The following PRKACB variants were observed in gnomAD, a reference collection of about 807,000 sequenced individuals.
The protein encoded by PRKACB is protein kinase cAMP-activated catalytic subunit beta.
A neutral mutation model predicts 51.4 loss-of-function variants in PRKACB; 16 were observed. The ratio of observed to expected loss-of-function variants is 0.31; its 90% CI spans 0.21 to 0.47. The LOEUF (loss-of-function observed/expected upper bound fraction) is 0.47, where lower values mean the gene tolerates loss of function less well. PRKACB is among the 20% of genes least tolerant of loss of function. The pLI, the probability that PRKACB is intolerant of heterozygous loss-of-function variation, is 1.00. For synonymous variants in PRKACB, 147 were observed against 154.4 expected, an observed-to-expected ratio of 0.95 and a Z score of 0.35; for missense variants, 309 against 464.5, an observed-to-expected ratio of 0.67 and a Z score of 3.08.
chr1:84,202,286 G>A (rs1345623876), intron 7 of PRKACB, among the ~76,000 whole-genome samples: 1 of 151,866 alleles, frequency 6.6e-6, no homozygotes, highest in East Asian at 1.9e-4. Flanking sequence ...GATCTTTCTA[G>A]GCATGCTGTG....
chr1:84,202,237 T>C (rs1246868524), intron 7 of PRKACB, among the ~76,000 whole-genome samples: 3 of 152,126 alleles, frequency 2.0e-5, no homozygotes, highest in Non-Finnish European at 4.4e-5. Flanking sequence ...CATTATTTAC[T>C]ATGTAGTCCA....
chr1:84,108,480 T>C (rs1410444239), intron 1 of PRKACB, among the ~76,000 whole-genome samples: 2 of 152,084 alleles, frequency 1.3e-5, no homozygotes, highest in East Asian at 1.9e-4. Context: ...CCCCTGAACC[T>C]AAAATAAAAA....
intron 1 of PRKACB, among the ~76,000 whole-genome samples, chr1:84,134,006 A>T (rs1652531822): frequency 6.6e-6 from 1 of 152,174 alleles, no homozygotes; most frequent in Non-Finnish European, 1.5e-5. Flanking sequence ...TTTATTGCTG[A>T]TGGAAGTGGC....
At chr1:84,204,489 G>A (rs759985119) in intron 8 of PRKACB, 2 of 1,597,086 alleles carry the variant, frequency 1.3e-6, no homozygotes, top group Non-Finnish European at 1.7e-6. Context: ...CAGAACTTTT[G>A]ATATGAACAA....
At chr1:84,160,841 A>G (rs1656092371) in intron 1 of PRKACB, among the ~76,000 whole-genome samples, 1 of 151,718 alleles carries the variant, frequency 6.6e-6, no homozygotes, top group Admixed American at 6.6e-5. Flanking sequence ...TATAGAATAT[A>G]TTTTGAAAGC....
chr1:84,177,845 T>G (rs1360569511), intron 1 of PRKACB, among the ~76,000 whole-genome samples: 1 of 152,098 alleles, frequency 6.6e-6, no homozygotes, highest in Admixed American at 6.6e-5. Flanking sequence ...TAAAATTCTT[T>G]GATTCATTGT....
rs750347763 is a variant in PRKACB, at chr1:84,196,761, AT to A, written c.687+20del. 4 of 1,607,582 alleles carry A rather than the reference AT, an allele frequency of 2.5e-6. No homozygotes were observed. The highest frequency in any genetic ancestry group is 2.6e-6 in the Non-Finnish European group (3 of 1,175,322). ...TATCCAGGTATGACTTTAACACATT[AT>A]GTGTACTGTATATGAGAAAATACTA... is the stretch of plus-strand genomic sequence containing the variant. On this transcript the variant is annotated intron_variant, in intron 6 of 9. Coordinates refer to ENST00000370685, the MANE Select transcript of PRKACB (RefSeq NM_182948.4).
chr1:84,131,966 T>C (rs1310658090), intron 1 of PRKACB, among the ~76,000 whole-genome samples: 1 of 152,144 alleles, frequency 6.6e-6, no homozygotes, highest in African/African-American at 2.4e-5. Flanking sequence ...TTATGAAATA[T>C]ACCCAGAGTA....
chr1:84,180,045 C>CAA (rs1662730043), intron 2 of PRKACB, among the ~76,000 whole-genome samples: 1 of 111,744 alleles, frequency 8.9e-6, no homozygotes, highest in Non-Finnish European at 1.9e-5. Flanking sequence ...AACATAAAGA[C>CAA]CAAAAAAAAA....
chr1:84,175,042 C>T, intron 1 of PRKACB: 1 of 1,467,512 alleles, frequency 6.8e-7, no homozygotes, highest in Non-Finnish European at 9.0e-7. Flanking sequence ...GCTTGCTCCT[C>T]TTCAGAAATA....
intron 5 of PRKACB, among the ~76,000 whole-genome samples, chr1:84,192,718 T>C (rs1355509572): frequency 6.6e-6 from 1 of 152,114 alleles, no homozygotes; most frequent in African/African-American, 2.4e-5. Flanking sequence ...TGAGTCTTAT[T>C]TGGAGTATAT....
chr1:84,222,006 C>T (rs1673804058), intron 9 of PRKACB, among the ~76,000 whole-genome samples: 1 of 152,082 alleles, frequency 6.6e-6, no homozygotes, highest in Admixed American at 6.5e-5. Context: ...ATAATCTGTA[C>T]AATGCTGAGA....
At chr1:84,187,605 T>C (rs1444618894) in intron 5 of PRKACB, among the ~76,000 whole-genome samples, 3 of 152,158 alleles carry the variant, frequency 2.0e-5, no homozygotes, top group African/African-American at 4.8e-5. Flanking sequence ...AGAGCGGTTC[T>C]CATTTTAGTA....
chr1:84,132,083 C>T (rs1010301210), intron 1 of PRKACB, among the ~76,000 whole-genome samples: 12 of 152,130 alleles, frequency 7.9e-5, no homozygotes, highest in Non-Finnish European at 1.8e-4. Flanking sequence ...CTTCCTGTGT[C>T]GGTTTCAGTG....
intron 1 of PRKACB, among the ~76,000 whole-genome samples, chr1:84,178,294 T>A (rs1049889179): frequency 3.3e-5 from 5 of 152,008 alleles, no homozygotes; most frequent in Non-Finnish European, 7.4e-5. Context: ...TGAACAACAA[T>A]ACATTTTGTT....
chr1:84,186,443 T>C (rs967015922), intron 5 of PRKACB, among the ~76,000 whole-genome samples: 12 of 152,014 alleles, frequency 7.9e-5, no homozygotes, highest in African/African-American at 2.9e-4. Flanking sequence ...GGTCTCGAAC[T>C]CCTGATCTCA....
At chr1:84,136,689 C>T (rs1403598362) in intron 1 of PRKACB, among the ~76,000 whole-genome samples, 1 of 152,134 alleles carries the variant, frequency 6.6e-6, no homozygotes, top group Non-Finnish European at 1.5e-5. Flanking sequence ...AGGTATTTAA[C>T]CGATTTAAAA....
intron 1 of PRKACB, among the ~76,000 whole-genome samples, chr1:84,158,244 G>T (rs994287072): frequency 9.2e-5 from 14 of 152,040 alleles, no homozygotes; most frequent in African/African-American, 3.4e-4. Flanking sequence ...TACTATGTTG[G>T]CCAGGCTGGG....
intron 1 of PRKACB, chr1:84,165,079 A>AT: frequency 7.9e-7 from 1 of 1,266,414 alleles, no homozygotes; most frequent in South Asian, 1.5e-5. Context: ...AGGAAAAAAT[A>AT]TTTTTAAAGG....
Sources: gnomAD v4.1 joint callset for allele counts (sites outside exome capture counted in the v4.1 genomes callset) on GRCh38, gnomAD v4.1.1 for gene constraint, MANE v1.5 for transcripts, NCBI Gene and HGNC (gene_info 2026-07-23, HGNC 2026-07-21) for gene names.